Variants in EOGT observed in about 807,000 individuals in gnomAD.
EOGT encodes EGF domain-specific O-linked N-acetylglucosamine transferase.
EOGT carries 55 observed loss-of-function variants against 70.5 expected under a neutral mutation model. That is an observed-to-expected ratio of 0.78 (90% CI 0.63 to 0.98). The LOEUF is 0.98. Among genes scored for constraint, EOGT ranks in the 50% least tolerant of loss-of-function variants. The pLI is 0.00. For synonymous variants in EOGT, 246 were observed against 217.1 expected (o/e 1.13, Z -1.17); for missense variants, 703 against 641.9 (o/e 1.10, Z -1.03).
rs2091478389 is a variant in EOGT, at chr3:69,007,822, C to G, written c.312-1G>C. On this transcript the variant is annotated splice_acceptor_variant, in intron 5 of 17. Transcript: ENST00000383701. LOFTEE classifies it high-confidence loss of function. ...CTCAGCTGACTCAAGAGTGTCCGTCCTATTTGCAAATAAAAATATTCTGTG... is the reference window on the plus strand; with the variant it reads ...CTCAGCTGACTCAAGAGTGTCCGTCGTATTTGCAAATAAAAATATTCTGTG... 1 of 1,584,012 alleles carries G rather than the reference C, an allele frequency of 6.3e-7. No homozygotes were observed. Among genetic ancestry groups the G allele is most frequent in the South Asian group, 1.2e-5 (1 of 86,064 alleles).
At chr3:68,987,940 A>C (rs1188575068) in intron 13 of EOGT, 2 of 331,608 alleles carry the variant, frequency 6.0e-6, no homozygotes, top group Non-Finnish European at 1.1e-5. Context: ...GTTTTGGGGC[A>C]GTCTTGCTCT....
intron 14 of EOGT, among the ~76,000 whole-genome samples, chr3:68,985,444 T>C (rs945091124): frequency 1.3e-5 from 2 of 152,174 alleles, no homozygotes; most frequent in African/African-American, 4.8e-5. Flanking sequence ...CATCAAAACA[T>C]GACACACACC....
At chr3:68,988,450 T>G in intron 12 of EOGT, 56 bp downstream of exon 12, 1 of 1,488,276 alleles carries the variant, frequency 6.7e-7, no homozygotes, top group Middle Eastern at 1.7e-4. Context: ...ACTGTCAACT[T>G]ATGTATAAAT....
Position 68,988,929 on chromosome 3 carries a change from T to A in EOGT, c.920A>T (p.Lys307Ile). 1.3e-6 allele frequency: 2 copies of A among 1,509,372 alleles called. No homozygotes were observed. Among genetic ancestry groups the A allele is most frequent in the Admixed American group, 4.1e-5 (2 of 48,478 alleles). The allele number at this position is 1,509,372 out of a possible 1,614,324, so 93.5% of individuals were successfully genotyped here. The change falls in exon 11 of 18, where the codon AAA becomes ATA. Residue 307 changes from lysine to isoleucine, a missense_variant. Coordinates refer to ENST00000383701, the MANE Select transcript of EOGT (RefSeq NM_001278689.2). ...DVIHLKTYDSKRVCFKEAVFS... is the reference protein window; with the variant it reads ...DVIHLKTYDSIRVCFKEAVFS... ...TTTCAGGAAAATTTCCAGTACCCTT[T>A]TGGAATCATAAGTTTTCAAATGTAT...
At position 69,009,715 on chromosome 3, in the gene EOGT, C is replaced by G. The variant is rs778729360; in HGVS notation, c.132G>C (p.Glu44Asp). The G allele has an allele frequency of 1.2e-5, 20 of 1,613,878 alleles. No individual in the cohort carries two copies. Among genetic ancestry groups the G allele is most frequent in the Non-Finnish European group, 1.7e-5 (20 of 1,180,026 alleles). Residue 44 changes from glutamate to aspartate, a missense_variant, in exon 4 of 18, where the codon GAG becomes GAC. Coordinates refer to ENST00000383701, the MANE Select transcript of EOGT (RefSeq NM_001278689.2). ...LYNYASIRLP[E>D]EHIPFFLHNN... is the part of the protein sequence containing the mutation. ...TGTGCAAAAAGAAGGGAATGTGCTC[C>G]TCTGGCAAGCGGATGCTGGCATAGT...
At chr3:68,981,548 T>C (rs1322916932) in intron 15 of EOGT, among the ~76,000 whole-genome samples, 1 of 152,224 alleles carries the variant, frequency 6.6e-6, no homozygotes, top group Non-Finnish European at 1.5e-5. Flanking sequence ...ATCTTTTCTA[T>C]ACTGCTTGAC....
intron 8 of EOGT, 54 bp downstream of exon 8, chr3:69,004,324 G>T: frequency 7.8e-7 from 1 of 1,281,146 alleles, no homozygotes; most frequent in Non-Finnish European, 1.1e-6. Context: ...ATATCTGCAA[G>T]TGCCGTAAAT....
chr3:69,008,447 T>G lies in EOGT; in HGVS notation c.292A>C (p.Ser98Arg). ...PEFRFGYPVC[S>R]YVDMGWTDTL... Reference sequence around the variant, plus strand: ...ACTTACCATCCCATGTCGACATAGCTGCAAACTGGGTAACCAAACCTGAAC... The same window carrying G: ...ACTTACCATCCCATGTCGACATAGCGGCAAACTGGGTAACCAAACCTGAAC... Residue 98 changes from serine (S) to arginine (R), a missense_variant, in exon 5 of 18, where the codon AGC (serine) becomes CGC (arginine). Physicochemically the swap from Ser to Arg is moderately radical, Grantham distance 110. Coordinates refer to ENST00000383701, the MANE Select transcript of EOGT (RefSeq NM_001278689.2). 6.2e-7 allele frequency: 1 copy of G among 1,614,002 alleles called. No individual in the cohort carries two copies. Among genetic ancestry groups the G allele is most frequent in the Non-Finnish European group, 8.5e-7 (1 of 1,179,882 alleles).
chr3:69,008,814 G>C (rs1186045005), intron 4 of EOGT, among the ~76,000 whole-genome samples: 1 of 152,176 alleles, frequency 6.6e-6, no homozygotes, highest in Non-Finnish European at 1.5e-5. Context: ...TCTTGAAGTA[G>C]CTTAAGAAAC....
At position 69,013,670 on chromosome 3, in the gene EOGT, C is replaced by G. The variant is rs2091638212; in HGVS notation, c.-452G>C. On this transcript the variant is annotated 5_prime_UTR_variant, in exon 1 of 18. Transcript: ENST00000383701. ...CGTCATAACCGGCTACTGCCGCTCA[C>G]CGGAAACCTCGGGCGCGGGAGCTGG... 6.5e-6 allele frequency: 1 copy of G among 152,710 alleles called. No homozygotes were observed. The highest frequency in any genetic ancestry group is 2.4e-5 in the African/African-American group (1 of 41,482). The allele number at this position is 152,710 out of a possible 1,614,324, so 9.5% of individuals were successfully genotyped here. A position where few individuals can be genotyped will look rare whatever the true frequency, so the allele number is the denominator to read the frequency against.
chr3:69,001,888 T>C (rs767376226), intron 8 of EOGT, among the ~76,000 whole-genome samples, 174 bp from the exon 9 acceptor site: 1 of 152,124 alleles, frequency 6.6e-6, no homozygotes, highest in Non-Finnish European at 1.5e-5. Context: ...TGATATCAAT[T>C]TTAATGTTAA....
intron 11 of EOGT, 158 bp downstream of exon 11, chr3:68,988,767 A>G: frequency 1.6e-6 from 1 of 636,280 alleles, no homozygotes; most frequent in Non-Finnish European, 2.6e-6. Flanking sequence ...CAAAGGCTGC[A>G]TGATTAACAA....
At chr3:68,983,990 C>A (rs2090728626) in intron 14 of EOGT, among the ~76,000 whole-genome samples, 1 of 152,154 alleles carries the variant, frequency 6.6e-6, no homozygotes, top group Admixed American at 6.6e-5. Flanking sequence ...TACCAAATAT[C>A]ATACCAAGTA....
chr3:68,993,717 G>A (rs891509961), intron 10 of EOGT, among the ~76,000 whole-genome samples: 7 of 152,224 alleles, frequency 4.6e-5, no homozygotes, highest in Admixed American at 1.3e-4. Flanking sequence ...AGATACACCC[G>A]AGACTGGGAA....
At chr3:68,981,429 G>C (rs923285213) in intron 15 of EOGT, among the ~76,000 whole-genome samples, 4 of 152,150 alleles carry the variant, frequency 2.6e-5, no homozygotes, top group African/African-American at 7.2e-5. Context: ...CCCACATGCT[G>C]GGATATGTAT....
At chr3:69,003,786 G>A (rs1252954355) in intron 8 of EOGT, among the ~76,000 whole-genome samples, 1 of 152,188 alleles carries the variant, frequency 6.6e-6, no homozygotes, top group African/African-American at 2.4e-5. Context: ...TCTATTTTTG[G>A]ACCTGGGTAA....
rs1338465897 is a variant in EOGT at position 68,975,671 on chromosome 3, T to A, written c.*1947A>T. The A allele has an allele frequency of 6.6e-6, 1 of 152,354 alleles. No individual in the cohort carries two copies. Among genetic ancestry groups the A allele is most frequent in the African/African-American group, 2.4e-5 (1 of 41,474 alleles). 9.4% of individuals were successfully genotyped at this position (152,354 alleles called of 1,614,324 possible). On this transcript the variant is annotated 3_prime_UTR_variant, in exon 18 of 18. Transcript: ENST00000383701. The stretch of plus-strand genomic sequence containing the variant: ...GCACACAAAAAACAGTTACAATACC[T>A]GCCACTTAAAAATCCATAACATGTT...
intron 10 of EOGT, among the ~76,000 whole-genome samples, 167 bp downstream of exon 10, chr3:68,997,844 C>T (rs1175175309): frequency 6.6e-6 from 1 of 152,220 alleles, no homozygotes; most frequent in African/African-American, 2.4e-5. Context: ...TACGTATATG[C>T]ACATGTCAAC....
intron 16 of EOGT, 49 bp from the exon 17 acceptor site, chr3:68,978,484 T>G (rs1426397661): frequency 7.5e-7 from 1 of 1,338,332 alleles, no homozygotes; most frequent in Non-Finnish European, 1.0e-6. Context: ...CAAGGTTTTT[T>G]CCAAATCAAC....
Sources: allele counts gnomAD v4.1 joint callset (sites outside exome capture counted in the v4.1 genomes callset), GRCh38; gene constraint gnomAD v4.1.1; transcripts MANE v1.5; gene names NCBI Gene and HGNC (gene_info 2026-07-23, HGNC 2026-07-21).